Variants in CDC73 observed in about 807,000 individuals in gnomAD.
CDC73 encodes cell division cycle 73.
In CDC73, 21 loss-of-function variants were observed where a neutral mutation model predicts 83.7. That is an observed-to-expected ratio of 0.25 (90% CI 0.18 to 0.36). CDC73 has a LOEUF of 0.36. Among genes scored for constraint, CDC73 ranks in the 10% least tolerant of loss-of-function variants. CDC73 has a pLI of 1.00. For missense variants in CDC73, 342 were observed against 653.3 expected (o/e 0.52, Z 5.19); for synonymous variants, 224 against 212.9 (o/e 1.05, Z -0.45).
chr1:193,128,575 G>A (rs1005086848), intron 2 of CDC73, among the ~76,000 whole-genome samples: 2 of 151,984 alleles, frequency 1.3e-5, no homozygotes, highest in South Asian at 4.2e-4. Flanking sequence ...AGAGTGTTAG[G>A]ATTACAGGCA....
At chr1:193,146,312 C>T (rs998853044) in intron 7 of CDC73, among the ~76,000 whole-genome samples, 1 of 152,154 alleles carries the variant, frequency 6.6e-6, no homozygotes, top group African/African-American at 2.4e-5. Flanking sequence ...GAGAGAGTAG[C>T]ATCTCAGAGG....
At chr1:193,194,167 C>T (rs531724391) in intron 10 of CDC73, among the ~76,000 whole-genome samples, 3 of 152,276 alleles carry the variant, frequency 2.0e-5, no homozygotes, top group Non-Finnish European at 4.4e-5. Context: ...AAACTTAAAT[C>T]AGTTAATTGC....
At chr1:193,204,436 C>G (rs1426772730) in intron 11 of CDC73, among the ~76,000 whole-genome samples, 1 of 151,184 alleles carries the variant, frequency 6.6e-6, no homozygotes, top group Non-Finnish European at 1.5e-5. Context: ...ACTACAGGCG[C>G]CTGCCACCAC....
chr1:193,167,745 G>A (rs1676455365), intron 10 of CDC73, among the ~76,000 whole-genome samples: 1 of 152,010 alleles, frequency 6.6e-6, no homozygotes, highest in South Asian at 2.1e-4. Context: ...GGCTTAGTCT[G>A]GTAATATTTA....
intron 3 of CDC73, among the ~76,000 whole-genome samples, chr1:193,134,442 G>A (rs1387884962): frequency 9.2e-5 from 14 of 152,088 alleles, no homozygotes; most frequent in East Asian, 5.8e-4. Flanking sequence ...AGGCCGAGGC[G>A]GGCGGATCAC....
At chr1:193,225,245 GATATATATATATATATAT>G (rs56261261) in intron 13 of CDC73, among the ~76,000 whole-genome samples, 1 of 143,608 alleles carries the variant, frequency 7.0e-6, no homozygotes, top group East Asian at 2.1e-4. Flanking sequence ...AGTATTCCAT[GATATATATATATATATAT>G]ATATATATAT....
chr1:193,191,432 G>T (rs1249561466), intron 10 of CDC73, among the ~76,000 whole-genome samples: 1 of 152,114 alleles, frequency 6.6e-6, no homozygotes, highest in African/African-American at 2.4e-5. Context: ...CTGTTGCCCA[G>T]GCTGGAGTGC....
At chr1:193,192,549 A>G (rs1164532778) in intron 10 of CDC73, among the ~76,000 whole-genome samples, 1 of 152,212 alleles carries the variant, frequency 6.6e-6, no homozygotes, top group African/African-American at 2.4e-5. Context: ...TGCTTGATTC[A>G]TGTAGCCATC....
At chr1:193,165,491 G>T (rs942567915) in intron 10 of CDC73, among the ~76,000 whole-genome samples, 1 of 152,182 alleles carries the variant, frequency 6.6e-6, no homozygotes, top group Non-Finnish European at 1.5e-5. Context: ...ACAGTCTCAG[G>T]ATGGACACAT....
intron 10 of CDC73, among the ~76,000 whole-genome samples, chr1:193,177,057 A>T (rs1039219152): frequency 3.3e-5 from 5 of 152,042 alleles, no homozygotes; most frequent in African/African-American, 1.2e-4. Context: ...ATTGTTCCTA[A>T]TATCAGGTGC....
intron 10 of CDC73, among the ~76,000 whole-genome samples, chr1:193,172,813 T>G (rs1426777825): frequency 6.6e-6 from 1 of 152,116 alleles, no homozygotes; most frequent in Admixed American, 6.5e-5. Context: ...GACTATAAGA[T>G]TATTGTTCCT....
At chr1:193,151,986 G>A (rs1446568035) in intron 9 of CDC73, among the ~76,000 whole-genome samples, 3 of 152,120 alleles carry the variant, frequency 2.0e-5, no homozygotes, top group Non-Finnish European at 4.4e-5. Flanking sequence ...TATGCCTTAT[G>A]ACTGAAACTT....
intron 14 of CDC73, among the ~76,000 whole-genome samples, chr1:193,233,532 A>G (rs988957432): frequency 9.9e-5 from 15 of 152,224 alleles, no homozygotes; most frequent in Admixed American, 3.3e-4. Flanking sequence ...TAATTCCTCA[A>G]TAACTTTATA....
Position 193,249,626 on chromosome 1 carries a change from G to C in CDC73, c.1418-104G>C, listed in dbSNP as rs572542798. 51 of 836,046 alleles carry C rather than the reference G, an allele frequency of 6.1e-5. 1 individual carries two copies. The South Asian group carries it at 7.4e-4, about 12-fold the overall frequency. The allele number at this position is 836,046 out of a possible 1,614,324, so 51.8% of individuals were successfully genotyped here. A position where few individuals can be genotyped will look rare whatever the true frequency, so the allele number is the denominator to read the frequency against. ...TGTTTTTAAAGATAATATTTTAAAA[G>C]ATCACTTTAGTTATAATACGGCTTC... is the stretch of plus-strand genomic sequence containing the variant. On this transcript the variant is annotated intron_variant, in intron 15 of 16. Coordinates refer to ENST00000367435, the MANE Select transcript of CDC73 (RefSeq NM_024529.5).
At chr1:193,187,074 T>C (rs1226059598) in intron 10 of CDC73, among the ~76,000 whole-genome samples, 2 of 125,470 alleles carry the variant, frequency 1.6e-5, no homozygotes, top group African/African-American at 5.9e-5. Flanking sequence ...ATGGTTTCTA[T>C]TGAAACCATG....
chr1:193,155,731 T>G (rs1409033471), intron 10 of CDC73, among the ~76,000 whole-genome samples: 2 of 152,060 alleles, frequency 1.3e-5, no homozygotes, highest in Non-Finnish European at 2.9e-5. Context: ...GAGCCAGGAT[T>G]ATGCCACTGC....
chr1:193,225,719 C>G (rs532145206), intron 13 of CDC73, among the ~76,000 whole-genome samples: 1 of 152,022 alleles, frequency 6.6e-6, no homozygotes, highest in South Asian at 2.1e-4. Flanking sequence ...TGAGAATTGT[C>G]TTTTCCTGCC....
At chr1:193,152,774 T>A (rs1260285673) in intron 10 of CDC73, among the ~76,000 whole-genome samples, 1 of 152,062 alleles carries the variant, frequency 6.6e-6, no homozygotes, top group Admixed American at 6.6e-5. Context: ...TTGTTTTTAT[T>A]TTTATTTATT....
At chr1:193,185,945 C>T (rs1294708469) in intron 10 of CDC73, 4 of 152,140 alleles carry the variant, frequency 2.6e-5, no homozygotes, top group Admixed American at 1.3e-4. Flanking sequence ...ACTTGCTTAT[C>T]AGGTATTAGT....
Sources: gnomAD v4.1 joint callset for allele counts (sites outside exome capture counted in the v4.1 genomes callset) on GRCh38, gnomAD v4.1.1 for gene constraint, MANE v1.5 for transcripts, NCBI Gene and HGNC (gene_info 2026-07-23, HGNC 2026-07-21) for gene names.